SLC4A8: variants seen among roughly 807,000 people sequenced by gnomAD.
The protein encoded by SLC4A8 is electroneutral sodium bicarbonate exchanger 1.
In SLC4A8, 40 loss-of-function variants were observed where a neutral mutation model predicts 125.0. The observed-to-expected ratio is 0.32, with a 90% CI of 0.25 to 0.42. SLC4A8 has a LOEUF of 0.42. SLC4A8 is among the 10% of genes least tolerant of loss of function. SLC4A8 has a pLI of 1.00. For missense variants in SLC4A8, 863 were observed against 1,355.1 expected (o/e 0.64, Z 5.70); for synonymous variants, 456 against 476.0 (o/e 0.96, Z 0.55).
chr12:51,400,772 ATATATACATACAT>A (rs1948366728), intron 1 of SLC4A8, among the ~76,000 whole-genome samples: 1 of 4,932 alleles, frequency 2.0e-4, no homozygotes, highest in Non-Finnish European at 3.9e-4. Flanking sequence ...ATATATATAT[ATATATACATACAT>A]ACACACACAC....
chr12:51,485,098 G>T (rs1951128209), intron 16 of SLC4A8, among the ~76,000 whole-genome samples: 1 of 152,150 alleles, frequency 6.6e-6, no homozygotes, highest in South Asian at 2.1e-4. Context: ...TAAGAGCTGG[G>T]GTGGGAGATG....
intron 1 of SLC4A8, among the ~76,000 whole-genome samples, chr12:51,432,238 C>T (rs1949212984): frequency 6.6e-6 from 1 of 150,466 alleles, no homozygotes; most frequent in South Asian, 2.1e-4. Flanking sequence ...GAAACCCCAT[C>T]TCTACTAAAA....
chr12:51,428,976 C>A (rs778218149), intron 1 of SLC4A8, among the ~76,000 whole-genome samples: 2 of 152,092 alleles, frequency 1.3e-5, no homozygotes, highest in African/African-American at 4.8e-5. Context: ...ATGGCATGAT[C>A]TCGGCTCACT....
chr12:51,471,654 G>T, intron 14 of SLC4A8, 122 bp downstream of exon 14: 2 of 1,097,462 alleles, frequency 1.8e-6, no homozygotes, highest in East Asian at 4.7e-5. Flanking sequence ...TTTAGGAAAC[G>T]GATCTCAGAT....
intron 1 of SLC4A8, among the ~76,000 whole-genome samples, chr12:51,400,763 TATATATATATATATACATAC>T (rs1227071012): frequency 0.29 from 2,519 of 8,638 alleles, 349 homozygotes; most frequent in Non-Finnish European, 0.32. Context: ...TATATATATA[TATATATATATATATACATAC>T]ATACACACAC....
chr12:51,398,834 C>G (rs1948316723), intron 1 of SLC4A8, among the ~76,000 whole-genome samples: 1 of 152,212 alleles, frequency 6.6e-6, no homozygotes, highest in Non-Finnish European at 1.5e-5. Flanking sequence ...ATTGCAATCT[C>G]TGCCTCCCGG....
intron 11 of SLC4A8, chr12:51,467,433 A>C (rs887622140): frequency 1.3e-5 from 2 of 152,200 alleles, no homozygotes; most frequent in African/African-American, 4.8e-5. Flanking sequence ...CCAGAGGAAA[A>C]GAGCAGGTGG....
At chr12:51,469,365 A>G (rs1204360708) in intron 11 of SLC4A8, among the ~76,000 whole-genome samples, 1 of 152,104 alleles carries the variant, frequency 6.6e-6, no homozygotes, top group Non-Finnish European at 1.5e-5. Context: ...TTTTTATTGA[A>G]TGGATAATAC....
At chr12:51,451,811 C>A (rs1949983819) in intron 3 of SLC4A8, among the ~76,000 whole-genome samples, 2 of 151,554 alleles carry the variant, frequency 1.3e-5, no homozygotes, top group South Asian at 2.1e-4. Context: ...AAGAAAACTT[C>A]ACAGTTCTGA....
At chr12:51,475,277 G>A in intron 16 of SLC4A8, 71 bp downstream of exon 16, 1 of 1,479,360 alleles carries the variant, frequency 6.8e-7, no homozygotes, top group Non-Finnish European at 9.3e-7. Flanking sequence ...CAGCCTTCAT[G>A]CTGCTTATGG....
chr12:51,429,032 C>T lies in SLC4A8; in HGVS notation c.48+3997C>T, dbSNP rs1565767642. ...TCAAGTGATTCTCCTGCCTCAGCAT[C>T]CCGAGTAGCTGGGATTACAGGCGCC... On this transcript the variant is annotated intron_variant, in intron 1 of 24. Transcript: ENST00000453097. Among the ~76,000 whole-genome samples, 3 of 152,130 alleles carry T rather than the reference C, an allele frequency of 2.0e-5. No homozygotes were observed. The South Asian group carries it at 6.2e-4, about 32-fold the overall frequency.
intron 1 of SLC4A8, among the ~76,000 whole-genome samples, chr12:51,438,362 TGA>T (rs1259763118): frequency 6.6e-6 from 1 of 152,202 alleles, no homozygotes; most frequent in Non-Finnish European, 1.5e-5. Context: ...CTTCCACATA[TGA>T]GTGAGAACAT....
intron 1 of SLC4A8, among the ~76,000 whole-genome samples, chr12:51,411,093 A>G (rs1266953141): frequency 1.4e-5 from 2 of 143,488 alleles, no homozygotes; most frequent in Non-Finnish European, 3.0e-5. Context: ...TTGAGATTTC[A>G]GTTCCTTATA....
In SLC4A8 at chr12:51,469,737, A is replaced by G. The variant is rs1176489780; in HGVS notation, c.1473A>G (p.Ser491=). The change falls in exon 12 of 25, where the codon TCA becomes TCG. Residue 491 remains serine, a synonymous_variant. Coordinates refer to ENST00000453097, the MANE Select transcript of SLC4A8 (RefSeq NM_001039960.3). ...TGTTCCTGTACTGTGCCTGCATGTC[A>G]CCTGTCATCACCTTTGGGGGACTGC... ...SFLFLYCACM[S]PVITFGGLLG... 6.2e-7 allele frequency: 1 copy of G among 1,614,044 alleles called. No individual in the cohort carries two copies. The highest frequency in any genetic ancestry group is 8.5e-7 in the Non-Finnish European group (1 of 1,180,028).
chr12:51,430,986 T>G (rs575613749), intron 1 of SLC4A8, among the ~76,000 whole-genome samples: 1 of 152,248 alleles, frequency 6.6e-6, no homozygotes, highest in Admixed American at 6.5e-5. Context: ...AGAAATCTGA[T>G]ACAGGTCTCA....
At chr12:51,476,901 CTTTTCT>C (rs1396043313) in intron 16 of SLC4A8, among the ~76,000 whole-genome samples, 2 of 127,690 alleles carry the variant, frequency 1.6e-5, no homozygotes, top group African/African-American at 5.7e-5. Context: ...TTTTCTTTTT[CTTTTCT>C]TTTTTTTTTT....
intron 1 of SLC4A8, among the ~76,000 whole-genome samples, chr12:51,413,825 T>A (rs1948636320): frequency 6.6e-6 from 1 of 152,212 alleles, no homozygotes; most frequent in South Asian, 2.1e-4. Flanking sequence ...TTATTCTAGC[T>A]CTGTGGTATA....
In SLC4A8 at chr12:51,451,040, C is replaced by T. The variant is rs960508421; in HGVS notation, c.277+18C>T. ...GGCCCACGGTAAGGGCCTTGGGAGACAGGGCGGGTGTCCATGGCCCAGGGG... is the reference window on the plus strand; with the variant it reads ...GGCCCACGGTAAGGGCCTTGGGAGATAGGGCGGGTGTCCATGGCCCAGGGG... On this transcript the variant is annotated intron_variant, in intron 3 of 24. Coordinates refer to ENST00000453097, the MANE Select transcript of SLC4A8 (RefSeq NM_001039960.3). The T allele has an allele frequency of 6.8e-7, 1 of 1,465,348 alleles. No homozygotes were observed. Among genetic ancestry groups the T allele is most frequent in the East Asian group, 2.5e-5 (1 of 39,258 alleles). The allele number at this position is 1,465,348 out of a possible 1,614,324, so 90.8% of individuals were successfully genotyped here.
chr12:51,400,667 T>C (rs1948354044), intron 1 of SLC4A8, among the ~76,000 whole-genome samples: 1 of 144,896 alleles, frequency 6.9e-6, no homozygotes, highest in African/African-American at 2.6e-5. Context: ...ATTGTCTAGT[T>C]TGTTTATATG....
Sources: allele counts gnomAD v4.1 joint callset (sites outside exome capture counted in the v4.1 genomes callset), GRCh38; gene constraint gnomAD v4.1.1; transcripts MANE v1.5; gene names NCBI Gene and HGNC (gene_info 2026-07-23, HGNC 2026-07-21).